ASXL3: variants seen among roughly 807,000 people sequenced by gnomAD.
The protein encoded by ASXL3 is putative Polycomb group protein ASXL3.
ASXL3 carries 34 observed loss-of-function variants against 170.6 expected under a neutral mutation model. That is an observed-to-expected ratio of 0.20 (90% CI 0.15 to 0.27). The LOEUF (loss-of-function observed/expected upper bound fraction) is 0.27, where lower values mean the gene tolerates loss of function less well. ASXL3 is among the 10% of genes least tolerant of loss of function. The pLI, the probability that ASXL3 is intolerant of heterozygous loss-of-function variation, is 1.00. For synonymous variants in ASXL3, 1,002 were observed against 989.1 expected (o/e 1.01, Z -0.24); for missense variants, 2,592 against 2,695.3 (o/e 0.96, Z 0.85).
chr18:33,720,202 C>T (rs2067235650), intron 8 of ASXL3, among the ~76,000 whole-genome samples: 1 of 152,068 alleles, frequency 6.6e-6, no homozygotes, highest in South Asian at 2.1e-4. Flanking sequence ...CTTTACCACT[C>T]TAGGTGCAAG....
chr18:33,692,587 T>C (rs997116817), intron 8 of ASXL3, among the ~76,000 whole-genome samples: 4 of 152,182 alleles, frequency 2.6e-5, no homozygotes, highest in Non-Finnish European at 5.9e-5. Flanking sequence ...GTCTTATTTT[T>C]CTGTTTATTT....
At chr18:33,730,940 C>T (rs1359198864) in intron 8 of ASXL3, among the ~76,000 whole-genome samples, 1 of 152,190 alleles carries the variant, frequency 6.6e-6, no homozygotes, top group African/African-American at 2.4e-5. Flanking sequence ...TGAAGACCCT[C>T]ATGATCTCGA....
At chr18:33,596,027 CTT>C (rs1016188141) in intron 1 of ASXL3, among the ~76,000 whole-genome samples, 1 of 148,708 alleles carries the variant, frequency 6.7e-6, no homozygotes, top group Non-Finnish European at 1.5e-5. Context: ...TCATTGTCTT[CTT>C]TTTTTTTTCA....
rs982435449 is a variant in ASXL3 at position 33,650,902 on chromosome 18, A to G, written c.355+4549A>G. On this transcript the variant is annotated intron_variant, in intron 4 of 11. Transcript: ENST00000269197. Reference sequence around the variant, plus strand: ...CTGTGCTTCTATGTATAGCTTATTAATCTAGCCTTAGGACACATTTTCAAA... The same window carrying G: ...CTGTGCTTCTATGTATAGCTTATTAGTCTAGCCTTAGGACACATTTTCAAA... 2.1e-4 allele frequency among the ~76,000 whole-genome samples: 32 copies of G among 152,156 alleles called. 1 individual carries two copies. The highest frequency in any genetic ancestry group is 7.5e-4 in the African/African-American group (31 of 41,444).
intron 7 of ASXL3, among the ~76,000 whole-genome samples, chr18:33,674,865 G>A (rs1296202121): frequency 2.6e-5 from 4 of 152,114 alleles, no homozygotes; most frequent in Admixed American, 1.3e-4. Context: ...TGATCCACCT[G>A]CCTCGGCTTC....
At chr18:33,616,996 C>T (rs1329659147) in intron 2 of ASXL3, among the ~76,000 whole-genome samples, 7 of 152,154 alleles carry the variant, frequency 4.6e-5, no homozygotes, top group Middle Eastern at 3.4e-3. Context: ...AGTCCATAAC[C>T]GTGATTCAGA....
At chr18:33,658,531 A>T (rs1275381397) in intron 4 of ASXL3, among the ~76,000 whole-genome samples, 1 of 152,140 alleles carries the variant, frequency 6.6e-6, no homozygotes, top group Non-Finnish European at 1.5e-5. Flanking sequence ...ATTGAAGCCT[A>T]TGGGTGAATT....
At chr18:33,597,048 C>T (rs1341175470) in intron 1 of ASXL3, among the ~76,000 whole-genome samples, 2 of 152,114 alleles carry the variant, frequency 1.3e-5, no homozygotes, top group East Asian at 1.9e-4. Flanking sequence ...CTCCTGAGCT[C>T]GAGCGATCTG....
intron 1 of ASXL3, among the ~76,000 whole-genome samples, chr18:33,581,014 T>C (rs1287475174): frequency 6.6e-6 from 1 of 152,148 alleles, no homozygotes; most frequent in Non-Finnish European, 1.5e-5. Flanking sequence ...AAAGGAGAAA[T>C]TGATCCATTT....
chr18:33,611,143 A>G (rs113238037), intron 2 of ASXL3, among the ~76,000 whole-genome samples: 16 of 152,228 alleles, frequency 1.1e-4, no homozygotes, highest in African/African-American at 3.6e-4. Flanking sequence ...CATGATAAAG[A>G]TAGGACAACT....
rs2066324816 is a variant in ASXL3, at chr18:33,670,583, G to A, written c.478-90G>A. 6 of 950,676 alleles carry A rather than the reference G, an allele frequency of 6.3e-6. No individual in the cohort carries two copies. The South Asian group carries it at 1.1e-4, about 18-fold the overall frequency. The allele number at this position is 950,676 out of a possible 1,614,324, so 58.9% of individuals were successfully genotyped here. On this transcript the variant is annotated intron_variant, in intron 5 of 11. Coordinates refer to ENST00000269197, the MANE Select transcript of ASXL3 (RefSeq NM_030632.3). ...ATTTAAGTCTCTTAAGAGGTTCTAT[G>A]TAATGATGGACAAATGAGTCACTTA...
At chr18:33,587,795 G>A (rs1220680007) in intron 1 of ASXL3, among the ~76,000 whole-genome samples, 3 of 151,504 alleles carry the variant, frequency 2.0e-5, no homozygotes, top group African/African-American at 7.3e-5. Flanking sequence ...AAACTTAGTA[G>A]GAAAAAACAA....
chr18:33,690,383 A>C (rs1366862167), intron 8 of ASXL3: 1 of 152,170 alleles, frequency 6.6e-6, no homozygotes. Flanking sequence ...AGAAAACTAC[A>C]CTTATGTATA....
intron 2 of ASXL3, among the ~76,000 whole-genome samples, chr18:33,619,367 A>G (rs992229089): frequency 2.0e-5 from 3 of 152,036 alleles, no homozygotes; most frequent in Non-Finnish European, 2.9e-5. Flanking sequence ...ACTCACCAAA[A>G]TGAAAGTCTG....
At position 33,683,420 on chromosome 18, in the gene ASXL3, C is replaced by A; in HGVS notation, c.731C>A (p.Thr244Asn). The A allele has an allele frequency of 6.2e-7, 1 of 1,612,388 alleles. No individual in the cohort carries two copies. Among genetic ancestry groups the A allele is most frequent in the Non-Finnish European group, 8.5e-7 (1 of 1,179,156 alleles). The change falls in exon 8 of 12, where the codon ACC becomes AAC. Residue 244 changes from threonine (T) to asparagine (N), a missense_variant. By Grantham distance (65) the Thr-to-Asn change is moderately conservative. Around this residue, in one of 4 missense-constraint regions of ASXL3, gnomAD observed 73 missense variants for 142.7 expected, o/e 0.51. Transcript: ENST00000269197. ...TTCATCACAGGGCACTTGAAATGGA[C>A]CAAAGCTGAGGACATTGACATAGAA... ...KKSGLGHLKWTKAEDIDIETP... is the reference protein window; with the variant it reads ...KKSGLGHLKWNKAEDIDIETP...
At position 33,607,667 on chromosome 18, in the gene ASXL3, A is replaced by G; in HGVS notation, c.128A>G (p.Lys43Arg). The G allele has an allele frequency of 6.3e-7, 1 of 1,578,270 alleles. No individual in the cohort carries two copies. Residue 43 changes from lysine (K) to arginine (R), a missense_variant, in exon 2 of 12, where the codon AAA (lysine) becomes AGA (arginine). Around this residue, in one of 4 missense-constraint regions of ASXL3, gnomAD observed 251 missense variants for 281.9 expected, o/e 0.89. Transcript: ENST00000269197. The stretch of plus-strand genomic sequence containing the variant: ...GAAGTCATTCAGAAAGAAGGGTTAA[A>G]AGAAACAAGGTCAGTATCCATATTT... ...ILEVIQKEGL[K>R]ETSGTSPLAC...
chr18:33,662,308 T>C (rs991237170), intron 5 of ASXL3, among the ~76,000 whole-genome samples: 1 of 152,078 alleles, frequency 6.6e-6, no homozygotes, highest in Admixed American at 6.6e-5. Context: ...AGACACAAGG[T>C]TGGGCTCTGG....
chr18:33,697,991 G>T (rs2066800110), intron 8 of ASXL3, among the ~76,000 whole-genome samples: 1 of 152,016 alleles, frequency 6.6e-6, no homozygotes, highest in South Asian at 2.1e-4. Context: ...CCCAGTAGAT[G>T]GATAGTGGTG....
chr18:33,734,364 AG>A lies in ASXL3; in HGVS notation c.1032del (p.Thr346GlnfsTer25). On this transcript the variant is annotated frameshift_variant, in exon 10 of 12. Coordinates refer to ENST00000269197, the MANE Select transcript of ASXL3 (RefSeq NM_030632.3). LOFTEE classifies it high-confidence loss of function. ...LRIRQEIEKE[K>X]KTEPWKEKFF... ...ATAAGGCAAGAAATTGAGAAGGAAA[AG>A]AAAACAGAACCTTGGAAAGAAAAAT... 1 of 1,610,520 alleles carries A rather than the reference AG, an allele frequency of 6.2e-7. No homozygotes were observed. Among genetic ancestry groups the A allele is most frequent in the Non-Finnish European group, 8.5e-7 (1 of 1,178,502 alleles).
Sources: gnomAD v4.1 joint callset for allele counts (sites outside exome capture counted in the v4.1 genomes callset) on GRCh38, gnomAD v4.1.1 for gene constraint, gnomAD v4.1.1 regional missense constraint, MANE v1.5 for transcripts, NCBI Gene and HGNC (gene_info 2026-07-23, HGNC 2026-07-21) for gene names.